GRIA4: variants seen among roughly 807,000 people sequenced by gnomAD.
GRIA4 encodes glutamate receptor 4.
GRIA4 carries 34 observed loss-of-function variants against 104.0 expected under a neutral mutation model. That is an observed-to-expected ratio of 0.33 (90% confidence interval 0.25 to 0.44). GRIA4 has a LOEUF of 0.44. GRIA4 is among the 20% of genes least tolerant of loss of function. GRIA4 has a pLI of 1.00. For missense variants in GRIA4, 750 were observed against 1,096.5 expected (o/e 0.68, Z 4.46); for synonymous variants, 386 against 381.9 (o/e 1.01, Z -0.13).
intron 2 of GRIA4, 63 bp downstream of exon 2, chr11:105,611,148 A>T: frequency 8.6e-7 from 1 of 1,157,246 alleles, no homozygotes; most frequent in African/African-American, 1.5e-5. Flanking sequence ...AAAGTGAGTT[A>T]AATGAGTTGC....
intron 3 of GRIA4, among the ~76,000 whole-genome samples, chr11:105,658,923 T>G (rs1183330192): frequency 2.6e-5 from 4 of 151,988 alleles, no homozygotes; most frequent in African/African-American, 9.7e-5. Flanking sequence ...ACTGAATCCA[T>G]AGGTTAATCT....
chr11:105,622,633 AC>A (rs1950778416), intron 3 of GRIA4, among the ~76,000 whole-genome samples: 1 of 151,102 alleles, frequency 6.6e-6, no homozygotes, highest in Non-Finnish European at 1.5e-5. Context: ...TCACATTTTC[AC>A]TTTCTCCATC....
chr11:105,906,793 C>A (rs1565332947), intron 9 of GRIA4, among the ~76,000 whole-genome samples: 1 of 152,128 alleles, frequency 6.6e-6, no homozygotes, highest in Non-Finnish European at 1.5e-5. Context: ...ATGTTAAGAA[C>A]AGCCCACTCT....
chr11:105,822,320 C>T (rs1463141661), intron 4 of GRIA4, among the ~76,000 whole-genome samples: 1 of 151,962 alleles, frequency 6.6e-6, no homozygotes, highest in African/African-American at 2.4e-5. Context: ...TTCTTTTACT[C>T]AAGACCTTTC....
chr11:105,848,547 G>T (rs1370203921), intron 4 of GRIA4, among the ~76,000 whole-genome samples: 9 of 152,172 alleles, frequency 5.9e-5, no homozygotes, highest in Admixed American at 5.9e-4. Context: ...AAAATAACCG[G>T]ATGGGTAGAA....
chr11:105,863,402 A>T (rs1000310264), intron 5 of GRIA4, among the ~76,000 whole-genome samples: 55 of 151,752 alleles, frequency 3.6e-4, no homozygotes, highest in African/African-American at 1.3e-3. Context: ...ATATATATAT[A>T]TATATACTGA....
chr11:105,671,592 C>T (rs763843830), intron 3 of GRIA4, among the ~76,000 whole-genome samples: 8 of 124,624 alleles, frequency 6.4e-5, no homozygotes, highest in Admixed American at 4.3e-4. Context: ...GCAGGAGAAT[C>T]GCTTGAATCC....
chr11:105,822,100 G>A (rs1301185474), intron 4 of GRIA4, among the ~76,000 whole-genome samples: 1 of 152,138 alleles, frequency 6.6e-6, no homozygotes, highest in Non-Finnish European at 1.5e-5. Flanking sequence ...CTGTGCCTTT[G>A]TAGACGTAGG....
chr11:105,848,369 T>C (rs1022230711), intron 4 of GRIA4, among the ~76,000 whole-genome samples: 9 of 152,226 alleles, frequency 5.9e-5, no homozygotes, highest in Non-Finnish European at 1.2e-4. Context: ...AGAATAAATG[T>C]ACCTTCCTAA....
At chr11:105,677,825 C>A (rs1478605322) in intron 3 of GRIA4, among the ~76,000 whole-genome samples, 1 of 151,932 alleles carries the variant, frequency 6.6e-6, no homozygotes, top group Non-Finnish European at 1.5e-5. Context: ...TCACAGAAGG[C>A]TAGTATGGTT....
At chr11:105,642,770 C>CA (rs2135354434) in intron 3 of GRIA4, among the ~76,000 whole-genome samples, 1 of 152,086 alleles carries the variant, frequency 6.6e-6, no homozygotes, top group East Asian at 1.9e-4. Flanking sequence ...AATTCTATTG[C>CA]AAAGCCTTGT....
chr11:105,912,856 T>A (rs1036395503), intron 10 of GRIA4: 2 of 983,204 alleles, frequency 2.0e-6, no homozygotes, highest in African/African-American at 1.7e-5. Flanking sequence ...GATATTGGCA[T>A]CTGCATGTAA....
chr11:105,822,908 C>A (rs970748249), intron 4 of GRIA4, among the ~76,000 whole-genome samples: 8 of 152,070 alleles, frequency 5.3e-5, no homozygotes, highest in African/African-American at 1.9e-4. Flanking sequence ...TTGGTTATTA[C>A]TCTTTCTGCT....
At chr11:105,753,792 T>A (rs1940148165) in intron 4 of GRIA4, among the ~76,000 whole-genome samples, 1 of 152,058 alleles carries the variant, frequency 6.6e-6, no homozygotes, top group African/African-American at 2.4e-5. Context: ...GAAAAACACT[T>A]TACTTTCATT....
intron 14 of GRIA4, chr11:105,965,833 A>C: frequency 1.3e-6 from 1 of 771,432 alleles, no homozygotes. Flanking sequence ...AGGATGGTAA[A>C]ATGAGAGGTT....
At chr11:105,815,559 C>T (rs573102336) in intron 4 of GRIA4, among the ~76,000 whole-genome samples, 4 of 152,172 alleles carry the variant, frequency 2.6e-5, no homozygotes, top group East Asian at 1.9e-4. Context: ...GTCTTTTATG[C>T]TGCCTAGTCC....
intron 9 of GRIA4, among the ~76,000 whole-genome samples, chr11:105,906,459 C>T (rs774178770): frequency 3.3e-5 from 5 of 152,068 alleles, no homozygotes; most frequent in Non-Finnish European, 7.4e-5. Flanking sequence ...GGGGCAACAA[C>T]CGAAGAAAGG....
At chr11:105,797,492 C>T (rs558576636) in intron 4 of GRIA4, among the ~76,000 whole-genome samples, 11 of 152,260 alleles carry the variant, frequency 7.2e-5, no homozygotes, top group Admixed American at 2.6e-4. Context: ...CAAATTACCA[C>T]GCCCTAAAAT....
At chr11:105,897,306 T>C (rs187100709) in intron 6 of GRIA4, among the ~76,000 whole-genome samples, 1 of 152,252 alleles carries the variant, frequency 6.6e-6, no homozygotes, top group East Asian at 1.9e-4. Context: ...CATAGTAGTC[T>C]TCTGGAGGAG....
Sources: allele counts gnomAD v4.1 joint callset (sites outside exome capture counted in the v4.1 genomes callset), GRCh38; gene constraint gnomAD v4.1.1; transcripts MANE v1.5; gene names NCBI Gene and HGNC (gene_info 2026-07-23, HGNC 2026-07-21).